TTC3: variants seen among roughly 807,000 people sequenced by gnomAD.
The protein encoded by TTC3 is tetratricopeptide repeat domain 3, also known as E3 ubiquitin-protein ligase TTC3.
Under a neutral mutation model 249.6 loss-of-function variants are expected in TTC3, and 180 were observed. That is an observed-to-expected ratio of 0.72 (90% confidence interval 0.64 to 0.82). TTC3 has a LOEUF of 0.82. Ranked by LOEUF, TTC3 falls within the 40% of genes least tolerant of loss-of-function variation. The pLI, the probability that TTC3 is intolerant of heterozygous loss-of-function variation, is 0.00. For synonymous variants in TTC3, 717 were observed against 805.0 expected, an observed-to-expected ratio of 0.89 and a Z score of 1.85; for missense variants, 2,061 against 2,398.4, an observed-to-expected ratio of 0.86 and a Z score of 2.94.
intron 19 of TTC3, 49 bp from the exon 20 acceptor site, chr21:37,140,512 A>C (rs76774520): frequency 0.012 from 14,787 of 1,233,184 alleles, 114 homozygotes; most frequent in Middle Eastern, 0.016. Flanking sequence ...AATTTATTTC[A>C]GTATTTCTCT....
intron 18 of TTC3, among the ~76,000 whole-genome samples, chr21:37,137,361 A>C (rs528458115): frequency 3.9e-5 from 6 of 152,324 alleles, no homozygotes; most frequent in Admixed American, 3.3e-4. Flanking sequence ...TTCATGATGC[A>C]TGTGAGAGAT....
At chr21:37,171,796 T>G (rs533503654) in intron 34 of TTC3, among the ~76,000 whole-genome samples, 1 of 152,328 alleles carries the variant, frequency 6.6e-6, no homozygotes, top group Admixed American at 6.5e-5. Context: ...CAACTGATCA[T>G]TCACAGAGTT....
chr21:37,107,076 GTTT>G (rs71198849), intron 10 of TTC3, among the ~76,000 whole-genome samples: 1 of 135,422 alleles, frequency 7.4e-6, no homozygotes, highest in Non-Finnish European at 1.6e-5. Context: ...TATCTAGTTG[GTTT>G]TTTTTTTTTT....
intron 37 of TTC3, among the ~76,000 whole-genome samples, chr21:37,186,693 C>G (rs529456576): frequency 1.3e-5 from 2 of 152,320 alleles, no homozygotes; most frequent in East Asian, 3.9e-4. Context: ...TCCCAAAGTA[C>G]TGGGATTACA....
intron 41 of TTC3, among the ~76,000 whole-genome samples, chr21:37,192,491 T>TTGTGTGTGTGTGTG (rs60538841): frequency 0.11 from 15,224 of 140,486 alleles, 996 homozygotes; most frequent in East Asian, 0.31. Context: ...TCTTCTATCT[T>TTGTGTGTGTGTGTG]TGTGTGTGTG....
chr21:37,200,285 C>A, exon 45 of TTC3: 1 of 1,614,196 alleles, frequency 6.2e-7, no homozygotes, highest in Non-Finnish European at 8.5e-7. Flanking sequence ...AATCAAAAAA[C>A]GTGCGTGTGC....
chr21:37,148,361 C>G (rs982864854), intron 22 of TTC3, among the ~76,000 whole-genome samples, 185 bp from the exon 23 acceptor site: 1 of 152,028 alleles, frequency 6.6e-6, no homozygotes. Context: ...TTCCAATGTC[C>G]CTGGTTAGTA....
chr21:37,196,791 T>C (rs951228037), intron 42 of TTC3, among the ~76,000 whole-genome samples: 3 of 152,206 alleles, frequency 2.0e-5, no homozygotes, highest in African/African-American at 7.2e-5. Flanking sequence ...GAGTGTGAGG[T>C]TGAAGACTGG....
chr21:37,096,456 CT>C, intron 9 of TTC3, 124 bp from the exon 10 acceptor site: 1 of 634,748 alleles, frequency 1.6e-6, no homozygotes, highest in Non-Finnish European at 2.7e-6. Context: ...GTCCTATATT[CT>C]TTTTGCTTTG....
intron 10 of TTC3, among the ~76,000 whole-genome samples, chr21:37,097,038 A>G (rs557696718): frequency 3.5e-4 from 54 of 152,320 alleles, no homozygotes; most frequent in African/African-American, 1.3e-3. Context: ...TTACCTCTTT[A>G]TGCTCTGTTA....
intron 32 of TTC3, 125 bp downstream of exon 32, chr21:37,164,340 AT>A (rs34114322): frequency 0.3 from 201,589 of 680,224 alleles, 3,801 homozygotes; most frequent in Admixed American, 0.34. Flanking sequence ...TTAATTTAGG[AT>A]TTTTTTTTTT....
exon 6 of TTC3, chr21:37,090,240 C>T (rs767847774): frequency 4.0e-5 from 64 of 1,599,052 alleles, no homozygotes; most frequent in Non-Finnish European, 2.6e-5. Flanking sequence ...CAGAATGATT[C>T]ATTCCTTATT....
At chr21:37,110,386 A>G (rs2075545128) in intron 11 of TTC3, among the ~76,000 whole-genome samples, 1 of 152,252 alleles carries the variant, frequency 6.6e-6, no homozygotes, top group African/African-American at 2.4e-5. Flanking sequence ...GCTGAAAACC[A>G]CGGCACGAGA....
chr21:37,111,213 T>G (rs1043415422), intron 11 of TTC3, among the ~76,000 whole-genome samples: 10 of 152,142 alleles, frequency 6.6e-5, no homozygotes, highest in African/African-American at 2.4e-4. Flanking sequence ...AATACTAACC[T>G]TAAATGTAAA....
intron 36 of TTC3, among the ~76,000 whole-genome samples, chr21:37,184,138 A>G (rs933129058): frequency 1.3e-5 from 2 of 152,172 alleles, no homozygotes; most frequent in Non-Finnish European, 2.9e-5. Context: ...AGTAGAACAC[A>G]CTTACGGAAA....
intron 21 of TTC3, among the ~76,000 whole-genome samples, chr21:37,146,336 C>T (rs2078978923): frequency 6.6e-6 from 1 of 152,090 alleles, no homozygotes; most frequent in South Asian, 2.1e-4. Flanking sequence ...CAAGACCAGC[C>T]TGGGCAACAT....
chr21:37,142,848 C>G (rs1347183355), intron 20 of TTC3, among the ~76,000 whole-genome samples: 1 of 152,206 alleles, frequency 6.6e-6, no homozygotes, highest in Non-Finnish European at 1.5e-5. Flanking sequence ...TCAAACTATA[C>G]TACAAGGCTG....
chr21:37,167,746 A>C, intron 34 of TTC3, 126 bp downstream of exon 34: 1 of 534,932 alleles, frequency 1.9e-6, no homozygotes, highest in East Asian at 3.9e-5. Flanking sequence ...AATAAGCTTG[A>C]GAACATAACA....
intron 42 of TTC3, among the ~76,000 whole-genome samples, chr21:37,196,950 T>G (rs2084976992): frequency 1.3e-5 from 2 of 152,232 alleles, no homozygotes; most frequent in Admixed American, 1.3e-4. Flanking sequence ...TGCCTCCACC[T>G]CTGGTTTCCG....
Sources: gnomAD v4.1 joint callset for allele counts (sites outside exome capture counted in the v4.1 genomes callset) on GRCh38, gnomAD v4.1.1 for gene constraint, MANE v1.5 for transcripts, NCBI Gene and HGNC (gene_info 2026-07-23, HGNC 2026-07-21) for gene names.